ASAH2: variants seen among roughly 807,000 people sequenced by gnomAD.
ASAH2 encodes the protein neutral ceramidase.
In ASAH2, 58 loss-of-function variants were observed where a neutral mutation model predicts 82.9. The ratio of observed to expected loss-of-function variants is 0.70; its 90% CI spans 0.57 to 0.87. ASAH2 has a LOEUF of 0.87. Among genes scored for constraint, ASAH2 ranks in the 40% least tolerant of loss-of-function variants. ASAH2 has a pLI of 0.00. For synonymous variants in ASAH2, 276 were observed against 289.7 expected, an observed-to-expected ratio of 0.95 and a Z score of 0.48; for missense variants, 779 against 834.0, an observed-to-expected ratio of 0.93 and a Z score of 0.81.
At chr10:50,208,960 T>C (rs1270129037) in intron 12 of ASAH2, among the ~76,000 whole-genome samples, 3 of 152,332 alleles carry the variant, frequency 2.0e-5, no homozygotes, top group South Asian at 2.1e-4. Context: ...TATAGATCAA[T>C]GGAATAGAAT....
chr10:50,206,121 A>G lies in ASAH2; in HGVS notation c.1415-24T>C. 3 of 1,530,846 alleles carry G rather than the reference A, an allele frequency of 2.0e-6. No individual in the cohort carries two copies. The Admixed American group carries it at 5.0e-5, about 26-fold the overall frequency. The allele number at this position is 1,530,846 out of a possible 1,614,324, so 94.8% of individuals were successfully genotyped here. On this transcript the variant is annotated intron_variant, in intron 12 of 20. Coordinates refer to ENST00000682911, the MANE Select transcript of ASAH2 (RefSeq NM_019893.4). Reference sequence around the variant, plus strand: ...CCCTATTAGAAATGTTATAATTAGTATACTTCCTTGAACCAACCCTCTCAA... The same window carrying G: ...CCCTATTAGAAATGTTATAATTAGTGTACTTCCTTGAACCAACCCTCTCAA...
At chr10:50,213,184 G>T in intron 9 of ASAH2, 126 bp from the exon 10 acceptor site, 1 of 861,060 alleles carries the variant, frequency 1.2e-6, no homozygotes, top group Non-Finnish European at 2.0e-6. Flanking sequence ...TTTTCAGGTA[G>T]TCTCTCAAAG....
Position 50,185,946 on chromosome 10 carries a change from T to C in ASAH2, c.*1369A>G, listed in dbSNP as rs1844734698. ...ATGACCTGGGGTTTGGAAATTTGCT[T>C]TGCAGTCTGGGAGGTTGTAGTTAAC... On this transcript the variant is annotated 3_prime_UTR_variant, in exon 21 of 21. Transcript: ENST00000682911. 6.7e-6 allele frequency: 1 copy of C among 148,268 alleles called. No individual in the cohort carries two copies. The allele number at this position is 148,268 out of a possible 1,614,324, so 9.2% of individuals were successfully genotyped here. A position where few individuals can be genotyped will look rare whatever the true frequency, so the allele number is the denominator to read the frequency against.
chr10:50,242,005 T>C (rs1309800057), intron 4 of ASAH2, among the ~76,000 whole-genome samples: 3 of 152,062 alleles, frequency 2.0e-5, no homozygotes. Flanking sequence ...CTCCACGTTC[T>C]GCACATGTAC....
At chr10:50,221,389 T>C (rs1222683276) in intron 7 of ASAH2, among the ~76,000 whole-genome samples, 1 of 152,214 alleles carries the variant, frequency 6.6e-6, no homozygotes, top group Non-Finnish European at 1.5e-5. Context: ...CAGCCAACAC[T>C]GAATATTTCC....
rs184579702 is a variant in ASAH2 at position 50,241,540 on chromosome 10, A to G, written c.510+1662T>C. Among the ~76,000 whole-genome samples, 485 of 152,304 alleles carry G rather than the reference A, an allele frequency of 3.2e-3. 2 individuals are homozygous for G. Among genetic ancestry groups the G allele is most frequent in the Non-Finnish European group, 4.6e-3 (314 of 68,036 alleles). On this transcript the variant is annotated intron_variant, in intron 4 of 20. Coordinates refer to ENST00000682911, the MANE Select transcript of ASAH2 (RefSeq NM_019893.4). ...AATGCATTTTTCCTTCTAAGAGTAT[A>G]GAATAATGTCACTTTTAAGAATGTA...
rs1415646675 is a variant in ASAH2 at position 50,228,093 on chromosome 10, G to T, written c.893+5091C>A. ...GATCCCAACACTCTGAAAGGTCAAG[G>T]TGGGAGGATCCCTTGAGGCCAGGAG... is the stretch of plus-strand genomic sequence containing the variant. On this transcript the variant is annotated intron_variant, in intron 7 of 20. Transcript: ENST00000682911. Among the ~76,000 whole-genome samples, 5 of 152,202 alleles carry T rather than the reference G, an allele frequency of 3.3e-5. No individual in the cohort carries two copies. In the South Asian group the frequency reaches 1.0e-3, roughly 32 times the overall value.
intron 1 of ASAH2, among the ~76,000 whole-genome samples, chr10:50,250,147 T>A (rs1221631581): frequency 1.3e-5 from 2 of 152,158 alleles, no homozygotes; most frequent in East Asian, 3.8e-4. Context: ...TTCCTAAAAC[T>A]CAGTGCTGTT....
intron 4 of ASAH2, chr10:50,240,666 T>C: frequency 1.4e-6 from 1 of 694,414 alleles, no homozygotes; most frequent in Non-Finnish European, 2.6e-6. Context: ...ATCTCCTCTG[T>C]TCCCTCATGA....
At chr10:50,243,458 C>T (rs1846363090) in intron 3 of ASAH2, 107 bp from the exon 4 acceptor site, 12 of 1,224,024 alleles carry the variant, frequency 9.8e-6, no homozygotes, top group Non-Finnish European at 1.1e-5. Flanking sequence ...AGAAAAACAT[C>T]CACATGACAT....
intron 9 of ASAH2, 118 bp downstream of exon 9, chr10:50,214,625 G>A: frequency 2.4e-6 from 3 of 1,254,682 alleles, no homozygotes; most frequent in South Asian, 1.3e-5. Context: ...CAGATGCTAG[G>A]GAGAACTAGG....
intron 2 of ASAH2, among the ~76,000 whole-genome samples, chr10:50,247,693 A>G (rs1846502573): frequency 6.6e-6 from 1 of 152,136 alleles, no homozygotes; most frequent in African/African-American, 2.4e-5. Context: ...TACTTTGGTC[A>G]GAGCTTCAAT....
chr10:50,205,492 C>T (rs1381081793), intron 13 of ASAH2, among the ~76,000 whole-genome samples: 3 of 151,804 alleles, frequency 2.0e-5, no homozygotes, highest in Non-Finnish European at 4.4e-5. Flanking sequence ...CTCAACAATC[C>T]AAGTTTTTAT....
At chr10:50,217,225 CTTTCTT>C (rs1845626360) in intron 8 of ASAH2, among the ~76,000 whole-genome samples, 1 of 88,168 alleles carries the variant, frequency 1.1e-5, no homozygotes, top group African/African-American at 3.1e-5. Flanking sequence ...CTCTTGTTTT[CTTTCTT>C]TTTTTTTTTT....
At chr10:50,214,706 T>G in intron 9 of ASAH2, 37 bp downstream of exon 9, 2 of 1,610,586 alleles carry the variant, frequency 1.2e-6, no homozygotes, top group East Asian at 2.2e-5. Context: ...GTATTTGAGA[T>G]GCAAAAACAA....
chr10:50,216,267 G>C (rs1845598597), intron 8 of ASAH2, among the ~76,000 whole-genome samples: 1 of 151,424 alleles, frequency 6.6e-6, no homozygotes, highest in Non-Finnish European at 1.5e-5. Context: ...TTACAAACCT[G>C]CATGTTCTGC....
chr10:50,249,241 C>T (rs918351514), intron 1 of ASAH2, among the ~76,000 whole-genome samples: 3 of 152,140 alleles, frequency 2.0e-5, no homozygotes, highest in Admixed American at 1.3e-4. Context: ...GGTCTGAAGG[C>T]AGGCATTACA....
intron 5 of ASAH2, 105 bp downstream of exon 5, chr10:50,235,783 G>A (rs1846144707): frequency 7.8e-7 from 1 of 1,283,890 alleles, no homozygotes; most frequent in Middle Eastern, 2.1e-4. Context: ...CTAATACTAT[G>A]CTCAGACCCA....
chr10:50,232,129 A>G (rs1846035383), intron 7 of ASAH2, among the ~76,000 whole-genome samples: 1 of 152,164 alleles, frequency 6.6e-6, no homozygotes, highest in African/African-American at 2.4e-5. Flanking sequence ...TTTAGGGCCA[A>G]CTGTGGTGTG....
Sources: gnomAD v4.1 joint callset for allele counts (sites outside exome capture counted in the v4.1 genomes callset) on GRCh38, gnomAD v4.1.1 for gene constraint, MANE v1.5 for transcripts, NCBI Gene and HGNC (gene_info 2026-07-23, HGNC 2026-07-21) for gene names.